The following RUNX2 variants were observed in gnomAD, a reference collection of about 807,000 sequenced individuals.
RUNX2 encodes the protein RUNX family transcription factor 2.
RUNX2 carries 10 observed loss-of-function variants against 51.7 expected under a neutral mutation model. That is an observed-to-expected ratio of 0.19 (90% CI 0.12 to 0.33). The LOEUF is 0.33. Among genes scored for constraint, RUNX2 ranks in the 10% least tolerant of loss-of-function variants. RUNX2 has a pLI of 1.00. For synonymous variants in RUNX2, 276 were observed against 273.6 expected (o/e 1.01, Z -0.09); for missense variants, 562 against 691.3 (o/e 0.81, Z 2.10).
At chr6:45,346,496 T>G (rs529382230) in intron 2 of RUNX2, among the ~76,000 whole-genome samples, 60 of 151,642 alleles carry the variant, frequency 4.0e-4, no homozygotes, top group Middle Eastern at 3.5e-3. Context: ...ATTCCCTCTC[T>G]CCCACTCTTA....
intron 2 of RUNX2, chr6:45,365,271 T>C: frequency 1.9e-6 from 3 of 1,611,936 alleles, no homozygotes; most frequent in African/African-American, 1.3e-5. Context: ...GAAGTTGCAG[T>C]AGACATTGGA....
chr6:45,539,250 T>C (rs1326242687), intron 7 of RUNX2, among the ~76,000 whole-genome samples: 1 of 152,068 alleles, frequency 6.6e-6, no homozygotes, highest in African/African-American at 2.4e-5. Flanking sequence ...TCCTTCAGCA[T>C]AACATACTTT....
intron 2 of RUNX2, among the ~76,000 whole-genome samples, chr6:45,360,872 T>C (rs926610197): frequency 1.3e-5 from 2 of 152,194 alleles, no homozygotes; most frequent in African/African-American, 4.8e-5. Context: ...TGTACTACCA[T>C]GGAATTTTTC....
At chr6:45,509,168 C>T (rs937338553) in intron 6 of RUNX2, among the ~76,000 whole-genome samples, 4 of 152,198 alleles carry the variant, frequency 2.6e-5, no homozygotes, top group Non-Finnish European at 5.9e-5. Context: ...TTGAGAAACA[C>T]AGCCCAGGTC....
chr6:45,514,953 T>C (rs1193102892), intron 7 of RUNX2, among the ~76,000 whole-genome samples: 1 of 150,414 alleles, frequency 6.6e-6, no homozygotes, highest in African/African-American at 2.5e-5. Context: ...TTTTTTTTTG[T>C]TTGTGTGCTT....
intron 5 of RUNX2, among the ~76,000 whole-genome samples, chr6:45,442,089 T>C (rs1335651270): frequency 6.6e-6 from 1 of 152,264 alleles, no homozygotes; most frequent in Non-Finnish European, 1.5e-5. Context: ...TTTTTAACTT[T>C]GATCTTTTGC....
intron 5 of RUNX2, among the ~76,000 whole-genome samples, chr6:45,454,874 G>A (rs1225721156): frequency 1.3e-5 from 2 of 152,296 alleles, no homozygotes; most frequent in South Asian, 2.1e-4. Flanking sequence ...AGTACTTTGG[G>A]AGGCTGAGGC....
At chr6:45,412,024 G>T (rs763503799) in intron 2 of RUNX2, among the ~76,000 whole-genome samples, 15 of 151,926 alleles carry the variant, frequency 9.9e-5, no homozygotes, top group African/African-American at 1.5e-4. Flanking sequence ...ATATAAATCT[G>T]GTCTAAATGT....
chr6:45,429,222 G>A (rs1251251236), intron 3 of RUNX2, among the ~76,000 whole-genome samples: 1 of 152,054 alleles, frequency 6.6e-6, no homozygotes, highest in Non-Finnish European at 1.5e-5. Context: ...CTTGATTTTG[G>A]TATATTCATT....
intron 5 of RUNX2, among the ~76,000 whole-genome samples, chr6:45,447,919 GT>G (rs1799048487): frequency 6.6e-6 from 1 of 152,164 alleles, no homozygotes; most frequent in Admixed American, 6.5e-5. Flanking sequence ...TGTGAGAGGC[GT>G]TCTGCTGAAA....
intron 7 of RUNX2, among the ~76,000 whole-genome samples, chr6:45,520,852 C>T (rs1424705944): frequency 6.6e-6 from 1 of 152,106 alleles, no homozygotes; most frequent in Non-Finnish European, 1.5e-5. Flanking sequence ...TCCCGAGTAG[C>T]TGGGATTGCA....
chr6:45,400,563 C>T (rs1797692279), intron 2 of RUNX2, among the ~76,000 whole-genome samples: 2 of 152,238 alleles, frequency 1.3e-5, no homozygotes, highest in South Asian at 2.1e-4. Context: ...CTCCCCAAGA[C>T]TTCTCCAAAT....
intron 5 of RUNX2, among the ~76,000 whole-genome samples, chr6:45,485,847 T>C (rs897458930): frequency 5.3e-5 from 8 of 151,770 alleles, no homozygotes; most frequent in Non-Finnish European, 1.0e-4. Flanking sequence ...ACAGGCATCA[T>C]GATTTTGTCA....
intron 5 of RUNX2, among the ~76,000 whole-genome samples, chr6:45,457,694 C>G (rs988064218): frequency 1.3e-5 from 2 of 152,122 alleles, no homozygotes; most frequent in African/African-American, 4.8e-5. Flanking sequence ...TCTAGTGTGA[C>G]TTTTGACATC....
intron 7 of RUNX2, among the ~76,000 whole-genome samples, chr6:45,517,249 A>G (rs1387005986): frequency 1.3e-5 from 2 of 152,062 alleles, no homozygotes; most frequent in African/African-American, 4.8e-5. Context: ...AGGCGTGATC[A>G]TAGCTCACTG....
intron 5 of RUNX2, among the ~76,000 whole-genome samples, chr6:45,462,666 G>A (rs1175000857): frequency 3.9e-5 from 6 of 152,136 alleles, no homozygotes; most frequent in East Asian, 1.9e-4. Flanking sequence ...TTAAAATGAC[G>A]GACTTGGGTT....
intron 7 of RUNX2, among the ~76,000 whole-genome samples, chr6:45,541,517 G>A (rs1038447985): frequency 3.9e-5 from 6 of 152,188 alleles, no homozygotes; most frequent in African/African-American, 2.4e-5. Flanking sequence ...TTAATAAAAC[G>A]TCCTTCGGAT....
At chr6:45,544,913 T>G (rs1353727066) in intron 7 of RUNX2, among the ~76,000 whole-genome samples, 1 of 152,202 alleles carries the variant, frequency 6.6e-6, no homozygotes, top group African/African-American at 2.4e-5. Context: ...GAATTTCGTT[T>G]TTGGGAGGAA....
intron 5 of RUNX2, among the ~76,000 whole-genome samples, chr6:45,460,367 A>T (rs1050793879): frequency 1.6e-4 from 25 of 152,192 alleles, no homozygotes; most frequent in African/African-American, 6.0e-4. Context: ...AAGGACTGTC[A>T]TTGAGTTTGG....
Sources: allele counts gnomAD v4.1 joint callset (sites outside exome capture counted in the v4.1 genomes callset), GRCh38; gene constraint gnomAD v4.1.1; transcripts MANE v1.5; gene names NCBI Gene and HGNC (gene_info 2026-07-23, HGNC 2026-07-21).